The following AP1M1 variants were observed in gnomAD, a reference collection of about 807,000 sequenced individuals.
AP1M1 encodes adaptor related protein complex 1 subunit mu 1, also known as AP-1 complex subunit mu-1.
AP1M1 carries 18 observed loss-of-function variants against 57.1 expected under a neutral mutation model. That is an observed-to-expected ratio of 0.32 (90% confidence interval 0.22 to 0.47). The LOEUF is 0.47. Among genes scored for constraint, AP1M1 ranks in the 20% least tolerant of loss-of-function variants. The pLI, the probability that AP1M1 is intolerant of heterozygous loss-of-function variation, is 1.00. For missense variants in AP1M1, 362 were observed against 593.5 expected (o/e 0.61, Z 4.05); for synonymous variants, 241 against 237.9 (o/e 1.01, Z -0.12).
intron 5 of AP1M1, among the ~76,000 whole-genome samples, chr19:16,222,466 G>A (rs2091550494): frequency 6.6e-6 from 1 of 151,766 alleles, no homozygotes; most frequent in South Asian, 2.1e-4. Flanking sequence ...TCCCACCTCA[G>A]CCTCCCAAAG....
intron 9 of AP1M1, among the ~76,000 whole-genome samples, chr19:16,231,475 C>T (rs975232945): frequency 3.3e-5 from 5 of 151,536 alleles, no homozygotes; most frequent in African/African-American, 4.9e-5. Flanking sequence ...GGCACGATCT[C>T]GGCTTACTGC....
At chr19:16,205,075 C>T (rs960682822) in intron 2 of AP1M1, among the ~76,000 whole-genome samples, 1 of 152,104 alleles carries the variant, frequency 6.6e-6, no homozygotes, top group Admixed American at 6.5e-5. Flanking sequence ...CCTCGTGATC[C>T]GCCCGCCTCA....
At chr19:16,230,915 G>T (rs1342609009) in intron 9 of AP1M1, among the ~76,000 whole-genome samples, 1 of 152,056 alleles carries the variant, frequency 6.6e-6, no homozygotes, top group Non-Finnish European at 1.5e-5. Flanking sequence ...AGCGTATCAA[G>T]TTGATGACAA....
chr19:16,224,717 G>A (rs539401064), intron 5 of AP1M1, among the ~76,000 whole-genome samples: 2 of 152,326 alleles, frequency 1.3e-5, no homozygotes, highest in Admixed American at 6.5e-5. Flanking sequence ...ACAGCTGGCT[G>A]CCAGGGCCAG....
chr19:16,205,487 C>G (rs1413494356), intron 2 of AP1M1, among the ~76,000 whole-genome samples: 1 of 152,150 alleles, frequency 6.6e-6, no homozygotes, highest in African/African-American at 2.4e-5. Context: ...CGTCCCTTTC[C>G]TGGGCCCCTG....
chr19:16,216,220 C>T (rs112362066), intron 5 of AP1M1, among the ~76,000 whole-genome samples: 16,725 of 152,062 alleles, frequency 0.11, 1,148 homozygotes, highest in East Asian at 0.33. Flanking sequence ...CCAAGGTGGG[C>T]GGATCACAAG....
chr19:16,208,649 G>A (rs2091480271), intron 4 of AP1M1, among the ~76,000 whole-genome samples: 1 of 152,144 alleles, frequency 6.6e-6, no homozygotes, highest in Non-Finnish European at 1.5e-5. Flanking sequence ...TGCACCTCCT[G>A]CTCCTTCAGC....
intron 5 of AP1M1, among the ~76,000 whole-genome samples, chr19:16,223,627 C>T (rs141706826): frequency 2.0e-5 from 3 of 152,336 alleles, no homozygotes; most frequent in Admixed American, 6.5e-5. Flanking sequence ...AGGAGTTCCT[C>T]TTCTGGCCCC....
chr19:16,211,445 C>A (rs1345044252), intron 5 of AP1M1, among the ~76,000 whole-genome samples: 1 of 152,072 alleles, frequency 6.6e-6, no homozygotes, highest in East Asian at 1.9e-4. Flanking sequence ...TTGTCTTGTG[C>A]CAGTTTTCAG....
At chr19:16,215,293 T>C (rs1157368506) in intron 5 of AP1M1, among the ~76,000 whole-genome samples, 1 of 130,086 alleles carries the variant, frequency 7.7e-6, no homozygotes, top group African/African-American at 2.7e-5. Context: ...AAACCTGGTC[T>C]CTACTGAAAA....
Position 16,206,403 on chromosome 19 carries a change from G to A in AP1M1, c.262G>A (p.Val88Met). 6.2e-7 allele frequency: 1 copy of A among 1,614,044 alleles called. No homozygotes were observed. Among genetic ancestry groups the A allele is most frequent in the Non-Finnish European group, 8.5e-7 (1 of 1,179,964 alleles). ...SLVFSFLYKV[V>M]QVFSEYFKEL... ...GGTCTTTTCTTTCCTCTATAAGGTG[G>A]TGCAGGTGAGTCTCGCTCGGAGGGG... Residue 88 changes from valine to methionine, a missense_variant, in exon 3 of 12, where the codon GTG (valine) becomes ATG (methionine). Coordinates refer to ENST00000291439, the MANE Select transcript of AP1M1 (RefSeq NM_032493.4). The surrounding 1 kb of genome is among the most constrained non-coding windows in gnomAD (Gnocchi z 4.3).
At position 16,227,414 on chromosome 19, in the gene AP1M1, T is replaced by G; in HGVS notation, c.674-134T>G. 2 of 1,007,912 alleles carry G rather than the reference T, an allele frequency of 2.0e-6. No homozygotes were observed. Among genetic ancestry groups the G allele is most frequent in the Non-Finnish European group, 3.0e-6 (2 of 677,520 alleles). 62.4% of individuals were successfully genotyped at this position (1,007,912 alleles called of 1,614,324 possible). A position where few individuals can be genotyped will look rare whatever the true frequency, so the allele number is the denominator to read the frequency against. On this transcript the variant is annotated intron_variant, in intron 6 of 11. Coordinates refer to ENST00000291439, the MANE Select transcript of AP1M1 (RefSeq NM_032493.4). The surrounding 1 kb of genome is among the most constrained non-coding windows in gnomAD (Gnocchi z 6.2). ...GTCTTGGGACCCAGCCCCCTTGGTGTTTGTGGCCCAGGCTGCTCTCAGTGC... is the reference window on the plus strand; with the variant it reads ...GTCTTGGGACCCAGCCCCCTTGGTGGTTGTGGCCCAGGCTGCTCTCAGTGC...
In AP1M1 at chr19:16,244,358, G is replaced by C. The variant is rs571378808; in HGVS notation, c.*9923G>C. On this transcript the variant is annotated 3_prime_UTR_variant, in exon 12 of 12. Transcript: ENST00000291439. ...AATTGTAAACAGTGTACTCACATCA[G>C]GCACAAGGAAAGTGATCTCAGACGG... 1 of 152,282 alleles carries C rather than the reference G, an allele frequency of 6.6e-6. No homozygotes were observed. Among genetic ancestry groups the C allele is most frequent in the Admixed American group, 6.5e-5 (1 of 15,292 alleles). 9.4% of individuals were successfully genotyped at this position (152,282 alleles called of 1,614,324 possible). A position where few individuals can be genotyped will look rare whatever the true frequency, so the allele number is the denominator to read the frequency against.
At chr19:16,233,311 G>A (rs1047304877) in intron 9 of AP1M1, among the ~76,000 whole-genome samples, 182 bp from the exon 10 acceptor site, 3 of 152,178 alleles carry the variant, frequency 2.0e-5, no homozygotes, top group Non-Finnish European at 4.4e-5. Context: ...CCAGAGCAGG[G>A]GCTGTCCTTA....
chr19:16,242,455 G>A lies in AP1M1; in HGVS notation c.*8020G>A, dbSNP rs1415173441. 1 of 152,210 alleles carries A rather than the reference G, an allele frequency of 6.6e-6. No individual in the cohort carries two copies. Among genetic ancestry groups the A allele is most frequent in the Non-Finnish European group, 1.5e-5 (1 of 68,042 alleles). 9.4% of individuals were successfully genotyped at this position (152,210 alleles called of 1,614,324 possible). On this transcript the variant is annotated 3_prime_UTR_variant, in exon 12 of 12. Coordinates refer to ENST00000291439, the MANE Select transcript of AP1M1 (RefSeq NM_032493.4). ...TCTGGCTGCAGAAAGCATAAAATAA[G>A]ATTGTAGAAATAAATCCAGATATTA...
chr19:16,233,892 C>T (rs1225173915), intron 10 of AP1M1, among the ~76,000 whole-genome samples: 1 of 152,168 alleles, frequency 6.6e-6, no homozygotes, highest in Non-Finnish European at 1.5e-5. Flanking sequence ...CTGGCACCCC[C>T]TCAAAAGCCC....
Position 16,240,280 on chromosome 19 carries a change from G to GTGTGTGTA in AP1M1, c.*5852_*5853insATGTGTGT, listed in dbSNP as rs1555726390. On this transcript the variant is annotated 3_prime_UTR_variant, in exon 12 of 12. Coordinates refer to ENST00000291439, the MANE Select transcript of AP1M1 (RefSeq NM_032493.4). ...TGTGTGTGTGTGTGTGTGTATGTGT[G>GTGTGTGTA]TGTGTGTGTGTGTGTGTGTGTGATG... 1.2e-4 allele frequency: 13 copies of GTGTGTGTA among 110,802 alleles called. No individual in the cohort carries two copies. Among genetic ancestry groups the GTGTGTGTA allele is most frequent in the East Asian group, 6.2e-4 (2 of 3,232 alleles). 6.9% of individuals were successfully genotyped at this position (110,802 alleles called of 1,614,324 possible). A position where few individuals can be genotyped will look rare whatever the true frequency, so the allele number is the denominator to read the frequency against.
intron 9 of AP1M1, among the ~76,000 whole-genome samples, chr19:16,232,797 T>C (rs2091604748): frequency 6.6e-6 from 1 of 152,172 alleles, no homozygotes; most frequent in African/African-American, 2.4e-5. Context: ...AGAGCTGAGA[T>C]CGTGCCCCCG....
chr19:16,206,421 C>G lies in AP1M1; in HGVS notation c.267+13C>G. ...TAAGGTGGTGCAGGTGAGTCTCGCT[C>G]GGAGGGGCCGTGGGCTTGGGTGGAG... On this transcript the variant is annotated intron_variant, in intron 3 of 11. Coordinates refer to ENST00000291439, the MANE Select transcript of AP1M1 (RefSeq NM_032493.4). This position sits in a 1 kb window ranked among gnomAD's most constrained non-coding sequence, Gnocchi z 4.3. The G allele has an allele frequency of 6.2e-7, 1 of 1,613,692 alleles. No individual in the cohort carries two copies. Among genetic ancestry groups the G allele is most frequent in the Non-Finnish European group, 8.5e-7 (1 of 1,179,840 alleles).
Sources: allele counts gnomAD v4.1 joint callset (sites outside exome capture counted in the v4.1 genomes callset), GRCh38; gene constraint gnomAD v4.1.1; non-coding constraint Gnocchi (gnomAD v3.1); transcripts MANE v1.5; gene names NCBI Gene and HGNC (gene_info 2026-07-23, HGNC 2026-07-21).